Variants in TMPRSS7 observed in about 807,000 individuals in gnomAD.
The protein encoded by TMPRSS7 is transmembrane protease serine 7.
TMPRSS7 carries 81 observed loss-of-function variants against 95.6 expected under a neutral mutation model. That is an observed-to-expected ratio of 0.85 (90% CI 0.71 to 1.02). The LOEUF is 1.02. Ranked by LOEUF, TMPRSS7 falls within the 50% of genes least tolerant of loss-of-function variation. The pLI is 0.00. For synonymous variants in TMPRSS7, 364 were observed against 337.8 expected (o/e 1.08, Z -0.85); for missense variants, 945 against 955.2 (o/e 0.99, Z 0.14).
intron 2 of TMPRSS7, among the ~76,000 whole-genome samples, chr3:112,040,662 G>A (rs1279266973): frequency 6.6e-6 from 1 of 152,138 alleles, no homozygotes; most frequent in Non-Finnish European, 1.5e-5. Context: ...CACTGTCCTA[G>A]CATTTTTACA....
chr3:112,080,709 T>C (rs2073768985), intron 17 of TMPRSS7, among the ~76,000 whole-genome samples: 1 of 152,190 alleles, frequency 6.6e-6, no homozygotes, highest in Admixed American at 6.5e-5. Context: ...GTCTAATGAA[T>C]GCAGCTGTTT....
chr3:112,038,376 A>T (rs538144291), intron 2 of TMPRSS7, 55 bp downstream of exon 2: 16 of 671,006 alleles, frequency 2.4e-5, no homozygotes, highest in South Asian at 2.3e-4. Context: ...TGAGTCCAGC[A>T]TTAGCAATGC....
Position 112,050,888 on chromosome 3 carries a change from A to C in TMPRSS7, c.1203+105A>C, listed in dbSNP as rs2107743562. 11 of 578,922 alleles carry C rather than the reference A, an allele frequency of 1.9e-5. No individual in the cohort carries two copies. In the South Asian group the frequency reaches 3.1e-4, roughly 16 times the overall value. The allele number at this position is 578,922 out of a possible 1,614,324, so 35.9% of individuals were successfully genotyped here. On this transcript the variant is annotated intron_variant, in intron 9 of 17. Coordinates refer to ENST00000452346, the Ensembl canonical transcript of TMPRSS7. The stretch of plus-strand genomic sequence containing the variant: ...ACAAAAGAATATTGCTTAATTTTAT[A>C]AAATTTCAGTATTATTGAAATATAT...
intron 3 of TMPRSS7, 130 bp from the exon 4 acceptor site, chr3:112,044,125 T>A: frequency 1.6e-6 from 1 of 626,612 alleles, no homozygotes; most frequent in Non-Finnish European, 2.9e-6. Context: ...GGGTGTGGAG[T>A]TAGGAGCCTT....
chr3:112,071,004 A>T (rs1314515036), intron 13 of TMPRSS7, among the ~76,000 whole-genome samples: 3 of 152,148 alleles, frequency 2.0e-5, no homozygotes. Context: ...TTAGCTGGTC[A>T]TTTTGCCCGT....
intron 9 of TMPRSS7, among the ~76,000 whole-genome samples, chr3:112,051,563 CT>C (rs905868221): frequency 7.5e-6 from 1 of 133,616 alleles, no homozygotes; most frequent in Non-Finnish European, 1.6e-5. Flanking sequence ...ATCTATCTAT[CT>C]ATGTATCTAT....
intron 2 of TMPRSS7, among the ~76,000 whole-genome samples, chr3:112,040,066 G>A (rs2073190520): frequency 6.6e-6 from 1 of 151,906 alleles, no homozygotes; most frequent in Non-Finnish European, 1.5e-5. Flanking sequence ...TTTGGTGACA[G>A]AAGTGTTATG....
intron 13 of TMPRSS7, among the ~76,000 whole-genome samples, 193 bp from the exon 14 acceptor site, chr3:112,074,103 T>C (rs2073684984): frequency 6.6e-6 from 1 of 152,230 alleles, no homozygotes; most frequent in African/African-American, 2.4e-5. Flanking sequence ...AGCGTTCAAA[T>C]GGCTTTTCTT....
chr3:112,066,076 A>G (rs965412557), intron 12 of TMPRSS7, among the ~76,000 whole-genome samples: 1 of 152,252 alleles, frequency 6.6e-6, no homozygotes. Context: ...AGTTTGATTT[A>G]GATCACAGCT....
intron 4 of TMPRSS7, 26 bp from the exon 5 acceptor site, chr3:112,045,724 T>C: frequency 6.5e-7 from 1 of 1,530,256 alleles, no homozygotes; most frequent in Non-Finnish European, 8.8e-7. Flanking sequence ...ATGAGGTCCC[T>C]GATGATCTCT....
exon 16 of TMPRSS7, chr3:112,076,981 C>T (rs1432585797): frequency 8.7e-6 from 14 of 1,614,080 alleles, no homozygotes; most frequent in African/African-American, 1.3e-5. Context: ...AGTACTATAA[C>T]AGTCAGACTT....
chr3:112,042,038 T>C (rs2073215900), exon 3 of TMPRSS7: 3 of 1,551,532 alleles, frequency 1.9e-6, no homozygotes, highest in Non-Finnish European at 2.6e-6. Flanking sequence ...TGTCACGGAC[T>C]GTGCAGCAAG....
intron 15 of TMPRSS7, 44 bp from the exon 16 acceptor site, chr3:112,076,832 G>A (rs370322357): frequency 1.9e-6 from 3 of 1,591,556 alleles, no homozygotes; most frequent in Non-Finnish European, 2.6e-6. Context: ...ACTGTATGTG[G>A]TTCTTTAAGC....
chr3:112,078,846 G>C, exon 17 of TMPRSS7: 1 of 1,614,070 alleles, frequency 6.2e-7, no homozygotes, highest in Non-Finnish European at 8.5e-7. Flanking sequence ...GCTCTGTGCA[G>C]GCATAATGTC....
intron 9 of TMPRSS7, among the ~76,000 whole-genome samples, chr3:112,054,277 G>A (rs1348793926): frequency 1.3e-5 from 2 of 152,190 alleles, no homozygotes; most frequent in Non-Finnish European, 2.9e-5. Context: ...GGTCCAGATC[G>A]GGAAAATTCC....
intron 17 of TMPRSS7, among the ~76,000 whole-genome samples, chr3:112,079,466 A>G (rs2073752207): frequency 6.6e-6 from 1 of 152,234 alleles, no homozygotes; most frequent in African/African-American, 2.4e-5. Flanking sequence ...CATGCAGCCC[A>G]GGACAGCTTT....
intron 13 of TMPRSS7, among the ~76,000 whole-genome samples, 179 bp from the exon 14 acceptor site, chr3:112,074,117 T>G (rs1385135548): frequency 6.6e-6 from 1 of 152,212 alleles, no homozygotes; most frequent in Non-Finnish European, 1.5e-5. Flanking sequence ...TTTTCTTAGG[T>G]GAAGAAATGG....
chr3:112,036,370 A>C (rs2073149899), intron 1 of TMPRSS7, among the ~76,000 whole-genome samples: 1 of 152,186 alleles, frequency 6.6e-6, no homozygotes, highest in Non-Finnish European at 1.5e-5. Flanking sequence ...AGAGTTCAAG[A>C]CCAACCTGAC....
At chr3:112,066,422 C>T (rs1451607655) in exon 13 of TMPRSS7, 1 of 1,613,890 alleles carries the variant, frequency 6.2e-7, no homozygotes, top group African/African-American at 1.3e-5. Context: ...AATACCAGCT[C>T]CTTCAGGCAG....
Sources: allele counts gnomAD v4.1 joint callset (sites outside exome capture counted in the v4.1 genomes callset), GRCh38; gene constraint gnomAD v4.1.1; transcripts MANE v1.5; gene names NCBI Gene and HGNC (gene_info 2026-07-23, HGNC 2026-07-21).